Variants in GABRB2 observed in about 807,000 individuals in gnomAD.
GABRB2 encodes the protein gamma-aminobutyric acid receptor subunit beta-2.
Under a neutral mutation model 54.7 loss-of-function variants are expected in GABRB2, and 16 were observed. The observed-to-expected ratio is 0.29, with a 90% CI of 0.20 to 0.44. The LOEUF is 0.44. GABRB2 is among the 20% of genes least tolerant of loss of function. The pLI, the probability that GABRB2 is intolerant of heterozygous loss-of-function variation, is 1.00. For synonymous variants in GABRB2, 244 were observed against 233.8 expected, an observed-to-expected ratio of 1.04 and a Z score of -0.40; for missense variants, 355 against 644.0, an observed-to-expected ratio of 0.55 and a Z score of 4.86.
intron 3 of GABRB2, among the ~76,000 whole-genome samples, chr5:161,475,679 A>G (rs2113310063): frequency 6.6e-6 from 1 of 152,160 alleles, no homozygotes; most frequent in Admixed American, 6.6e-5. Flanking sequence ...TCAATGTAAT[A>G]CACTGCATTA....
intron 5 of GABRB2, among the ~76,000 whole-genome samples, chr5:161,354,378 C>G (rs933407212): frequency 1.3e-5 from 2 of 151,966 alleles, no homozygotes; most frequent in Non-Finnish European, 2.9e-5. Flanking sequence ...TATCCTGGGA[C>G]TGTGAGACTC....
At chr5:161,525,175 C>G (rs1425091240) in intron 3 of GABRB2, among the ~76,000 whole-genome samples, 1 of 151,074 alleles carries the variant, frequency 6.6e-6, no homozygotes, top group Admixed American at 6.6e-5. Flanking sequence ...CAAGTGTGCC[C>G]TAATAAAAAT....
At chr5:161,364,271 TC>T (rs1163363628) in intron 5 of GABRB2, among the ~76,000 whole-genome samples, 1 of 152,202 alleles carries the variant, frequency 6.6e-6, no homozygotes, top group Non-Finnish European at 1.5e-5. Flanking sequence ...AGTCATTTCA[TC>T]TTTTATTCTT....
rs1334955784 is a variant in GABRB2, at chr5:161,289,765, G to A, written c.*4316C>T. ...ATAGACGGGCAGAGAGACAGAGTGG[G>A]TGAGCAAAAGATTATGTGTGTTTGA... On this transcript the variant is annotated 3_prime_UTR_variant, in exon 10 of 10. Transcript: ENST00000393959. 2 of 150,264 alleles carry A rather than the reference G, an allele frequency of 1.3e-5. No individual in the cohort carries two copies. Among genetic ancestry groups the A allele is most frequent in the Non-Finnish European group, 3.0e-5 (2 of 67,796 alleles). 9.3% of individuals were successfully genotyped at this position (150,264 alleles called of 1,614,324 possible).
rs186710323 is a variant in GABRB2 at position 161,444,220 on chromosome 5, C to T, written c.458+15404G>A. ...CCTCTGAAGGATAGGCAAGATACTC[C>T]AAATTACATAAAGACATACCCTATG... is the stretch of plus-strand genomic sequence containing the variant. On this transcript the variant is annotated intron_variant, in intron 4 of 9. Coordinates refer to ENST00000393959, the MANE Select transcript of GABRB2 (RefSeq NM_001371727.1). Among the ~76,000 whole-genome samples the T allele has an allele frequency of 1.1e-4, 17 of 152,220 alleles. No homozygotes were observed. The East Asian group carries it at 3.1e-3, about 28-fold the overall frequency.
chr5:161,405,003 G>C (rs1756305978), intron 5 of GABRB2, among the ~76,000 whole-genome samples: 1 of 152,098 alleles, frequency 6.6e-6, no homozygotes, highest in Admixed American at 6.6e-5. Context: ...AGCTGTAACT[G>C]CTATGAACTT....
chr5:161,542,074 G>A (rs1326032885), intron 3 of GABRB2, among the ~76,000 whole-genome samples: 1 of 152,134 alleles, frequency 6.6e-6, no homozygotes, highest in Non-Finnish European at 1.5e-5. Context: ...AGACGGACAG[G>A]GGGATGACCC....
intron 5 of GABRB2, among the ~76,000 whole-genome samples, chr5:161,359,873 G>C (rs187781019): frequency 1.0e-3 from 156 of 152,278 alleles, no homozygotes; most frequent in African/African-American, 3.7e-3. Context: ...ACGAGGTCAA[G>C]AGATCAAGAC....
chr5:161,333,531 G>A (rs1196981604), intron 7 of GABRB2, among the ~76,000 whole-genome samples: 2 of 152,154 alleles, frequency 1.3e-5, no homozygotes, highest in Non-Finnish European at 1.5e-5. Flanking sequence ...CTTTAAAACA[G>A]AAATCAAATC....
chr5:161,334,647 G>C (rs186872385), intron 7 of GABRB2, 105 bp downstream of exon 7: 4 of 1,160,694 alleles, frequency 3.4e-6, no homozygotes, highest in Admixed American at 4.3e-5. Context: ...GAGAGGTTCA[G>C]TTGCGTCATG....
chr5:161,421,702 T>C (rs767392730), intron 4 of GABRB2, among the ~76,000 whole-genome samples: 9 of 151,952 alleles, frequency 5.9e-5, no homozygotes, highest in Non-Finnish European at 1.2e-4. Flanking sequence ...AAATAGCAAT[T>C]AAACAAATAC....
intron 9 of GABRB2, among the ~76,000 whole-genome samples, chr5:161,322,461 C>G (rs982283448): frequency 1.3e-5 from 2 of 152,174 alleles, no homozygotes; most frequent in African/African-American, 4.8e-5. Context: ...GTCTTGAACT[C>G]CTGGGATCAA....
intron 3 of GABRB2, among the ~76,000 whole-genome samples, chr5:161,534,377 G>A (rs1221033085): frequency 6.6e-6 from 1 of 152,154 alleles, no homozygotes; most frequent in African/African-American, 2.4e-5. Context: ...ACAAATAATT[G>A]CCCTTTCCCC....
intron 4 of GABRB2, among the ~76,000 whole-genome samples, chr5:161,428,164 G>T (rs1192399381): frequency 6.6e-6 from 1 of 152,102 alleles, no homozygotes; most frequent in Non-Finnish European, 1.5e-5. Flanking sequence ...TAAATCCTTT[G>T]TTTTGTTTTG....
At chr5:161,540,929 C>A (rs930922324) in intron 3 of GABRB2, among the ~76,000 whole-genome samples, 1 of 152,054 alleles carries the variant, frequency 6.6e-6, no homozygotes, top group Non-Finnish European at 1.5e-5. Flanking sequence ...TCACTGCAAC[C>A]TTTGCCACCC....
At chr5:161,331,520 G>T (rs1423327882) in intron 7 of GABRB2, among the ~76,000 whole-genome samples, 1 of 152,116 alleles carries the variant, frequency 6.6e-6, no homozygotes, top group Admixed American at 6.5e-5. Context: ...TCTGAAAAAT[G>T]AGTGAAAGTC....
intron 5 of GABRB2, among the ~76,000 whole-genome samples, chr5:161,398,575 A>G (rs898454201): frequency 6.6e-6 from 1 of 152,024 alleles, no homozygotes; most frequent in Non-Finnish European, 1.5e-5. Flanking sequence ...AGCATGTGCC[A>G]CTAAACACAC....
chr5:161,483,371 G>A (rs936788011), intron 3 of GABRB2, among the ~76,000 whole-genome samples: 1 of 151,868 alleles, frequency 6.6e-6, no homozygotes, highest in East Asian at 1.9e-4. Context: ...ACACGTGATT[G>A]CCTCTCAAAA....
chr5:161,449,299 T>C (rs1004926923), intron 4 of GABRB2, among the ~76,000 whole-genome samples: 3 of 152,158 alleles, frequency 2.0e-5, no homozygotes, highest in African/African-American at 7.2e-5. Context: ...ACAAAATTGT[T>C]TGATGTAAAT....
Sources: allele counts gnomAD v4.1 joint callset (sites outside exome capture counted in the v4.1 genomes callset), GRCh38; gene constraint gnomAD v4.1.1; transcripts MANE v1.5; gene names NCBI Gene and HGNC (gene_info 2026-07-23, HGNC 2026-07-21).